The following CFAP299 variants were observed in gnomAD, a reference collection of about 807,000 sequenced individuals.
The protein encoded by CFAP299 is cilia and flagella associated protein 299.
CFAP299 carries 21 observed loss-of-function variants against 27.0 expected under a neutral mutation model. The ratio of observed to expected loss-of-function variants is 0.78; its 90% CI spans 0.55 to 1.12. The LOEUF (loss-of-function observed/expected upper bound fraction) is 1.12, where lower values mean the gene tolerates loss of function less well. CFAP299 is among the 50% of genes most tolerant of loss of function. CFAP299 has a pLI of 0.00. For missense variants in CFAP299, 310 were observed against 276.6 expected (o/e 1.12, Z -0.86); for synonymous variants, 104 against 98.1 (o/e 1.06, Z -0.36).
intron 3 of CFAP299, among the ~76,000 whole-genome samples, chr4:80,687,567 C>A (rs1720287623): frequency 2.0e-5 from 3 of 152,090 alleles, no homozygotes; most frequent in Admixed American, 2.0e-4. Flanking sequence ...CATGTACATG[C>A]TTTGTAAATA....
At chr4:80,401,670 G>A (rs1365155531) in intron 2 of CFAP299, among the ~76,000 whole-genome samples, 1 of 152,236 alleles carries the variant, frequency 6.6e-6, no homozygotes, top group Non-Finnish European at 1.5e-5. Context: ...GTGTGGAAGG[G>A]AAATGTGGGG....
intron 3 of CFAP299, among the ~76,000 whole-genome samples, chr4:80,847,528 T>C (rs368177270): frequency 3.9e-5 from 6 of 152,318 alleles, no homozygotes; most frequent in African/African-American, 1.2e-4. Flanking sequence ...TGACCCTACA[T>C]GCCATCTATT....
At chr4:80,362,061 A>C (rs1278188150) in intron 1 of CFAP299, among the ~76,000 whole-genome samples, 1 of 152,000 alleles carries the variant, frequency 6.6e-6, no homozygotes, top group African/African-American at 2.4e-5. Flanking sequence ...CAACTGACAA[A>C]GATGTATGCG....
chr4:80,459,062 C>T (rs181952589), intron 2 of CFAP299, among the ~76,000 whole-genome samples: 1 of 152,182 alleles, frequency 6.6e-6, no homozygotes, highest in East Asian at 1.9e-4. Context: ...CTCACTGCAA[C>T]CTCAAACTCT....
At chr4:80,948,443 CCCACCAAAATGTTT>C (rs962827342) in intron 5 of CFAP299, among the ~76,000 whole-genome samples, 68 of 18,342 alleles carry the variant, frequency 3.7e-3, no homozygotes, top group African/African-American at 4.2e-3. Flanking sequence ...GTGATTCACA[CCCACCAAAATGTTT>C]CCAGTGTATT....
At chr4:80,432,859 T>A (rs1179584469) in intron 2 of CFAP299, among the ~76,000 whole-genome samples, 1 of 152,152 alleles carries the variant, frequency 6.6e-6, no homozygotes, top group Non-Finnish European at 1.5e-5. Context: ...TGCAAGGTAA[T>A]AAAAATCTAG....
rs1304002767 is a variant in CFAP299 at position 80,505,645 on chromosome 4, A to G, written c.243-77448A>G. 2.0e-5 allele frequency among the ~76,000 whole-genome samples: 3 copies of G among 152,202 alleles called. No homozygotes were observed. In the East Asian group the frequency reaches 5.8e-4, roughly 29 times the overall value. ...TACCCACCAAAGAACTAGCCTGTAT[A>G]GTTGTATGTGTGAACTTAAAATAGC... On this transcript the variant is annotated intron_variant, in intron 2 of 5. Transcript: ENST00000358105.
At chr4:80,778,460 T>C (rs1212661286) in intron 3 of CFAP299, among the ~76,000 whole-genome samples, 1 of 152,166 alleles carries the variant, frequency 6.6e-6, no homozygotes, top group Non-Finnish European at 1.5e-5. Flanking sequence ...TGTGATAGCC[T>C]TGGAATTTTA....
At chr4:80,956,521 G>A (rs530444135) in intron 5 of CFAP299, among the ~76,000 whole-genome samples, 32 of 152,162 alleles carry the variant, frequency 2.1e-4, no homozygotes, top group African/African-American at 7.5e-4. Flanking sequence ...TAGCCTAGAA[G>A]TCCTGGGCTC....
Position 80,854,810 on chromosome 4 carries a change from GAAAAAAAAAA to G in CFAP299, c.334-15165_334-15156del, listed in dbSNP as rs58533748. Among the ~76,000 whole-genome samples, 7 of 43,360 alleles carry G rather than the reference GAAAAAAAAAA, an allele frequency of 1.6e-4. No homozygotes were observed. In the South Asian group the frequency reaches 3.1e-3, roughly 19 times the overall value. The allele number at this position is 43,360 out of a possible 152,430, so 28.4% of individuals were successfully genotyped here. On this transcript the variant is annotated intron_variant, in intron 3 of 5. Coordinates refer to ENST00000358105, the MANE Select transcript of CFAP299 (RefSeq NM_152770.3). ...TCTAGCCAAACTCAGCTGTTGCTAT[GAAAAAAAAAA>G]AAAAAAAAAAAAAAAAACAGAAAAG... is the stretch of plus-strand genomic sequence containing the variant.
intron 5 of CFAP299, among the ~76,000 whole-genome samples, chr4:80,950,271 T>C (rs1191226908): frequency 6.7e-6 from 1 of 149,474 alleles, no homozygotes; most frequent in Non-Finnish European, 1.5e-5. Flanking sequence ...CCTTTCTCAT[T>C]TGATGTTTCC....
chr4:80,957,808 T>C (rs1738143113), intron 5 of CFAP299, among the ~76,000 whole-genome samples: 1 of 152,188 alleles, frequency 6.6e-6, no homozygotes, highest in Non-Finnish European at 1.5e-5. Context: ...TGGCAGTCTG[T>C]CTCCTTTCCT....
chr4:80,629,556 A>G (rs1739097625), intron 3 of CFAP299, among the ~76,000 whole-genome samples: 1 of 152,162 alleles, frequency 6.6e-6, no homozygotes, highest in African/African-American at 2.4e-5. Context: ...TGTTCTCTAC[A>G]CAATAATATA....
chr4:80,700,939 T>C (rs995351656), intron 3 of CFAP299, among the ~76,000 whole-genome samples: 2 of 152,072 alleles, frequency 1.3e-5, no homozygotes, highest in African/African-American at 4.8e-5. Flanking sequence ...TGCCAGCCAC[T>C]GTTCTAAGCA....
chr4:80,688,559 A>G (rs970686029), intron 3 of CFAP299, among the ~76,000 whole-genome samples: 16 of 152,222 alleles, frequency 1.1e-4, no homozygotes, highest in Admixed American at 7.9e-4. Context: ...ACCATCATCA[A>G]AGACAAAAGT....
At chr4:80,953,127 G>A (rs555394437) in intron 5 of CFAP299, among the ~76,000 whole-genome samples, 1 of 152,294 alleles carries the variant, frequency 6.6e-6, no homozygotes, top group East Asian at 1.9e-4. Flanking sequence ...ACAAGGTTAT[G>A]GCTTCCGCAA....
At chr4:80,922,605 G>T (rs1041180798) in intron 4 of CFAP299, among the ~76,000 whole-genome samples, 5 of 151,780 alleles carry the variant, frequency 3.3e-5, no homozygotes, top group African/African-American at 1.2e-4. Context: ...AATAAAACTA[G>T]ATATTTATTT....
At chr4:80,724,664 C>A (rs1328525792) in intron 3 of CFAP299, among the ~76,000 whole-genome samples, 1 of 151,776 alleles carries the variant, frequency 6.6e-6, no homozygotes, top group East Asian at 1.9e-4. Flanking sequence ...ACACTATATC[C>A]CCTTATTTCC....
intron 3 of CFAP299, among the ~76,000 whole-genome samples, chr4:80,825,126 T>G (rs1258307765): frequency 1.3e-5 from 2 of 150,986 alleles, no homozygotes; most frequent in East Asian, 2.0e-4. Context: ...ATAACTGAAA[T>G]AAAACATTTA....
Sources: gnomAD v4.1 joint callset for allele counts (sites outside exome capture counted in the v4.1 genomes callset) on GRCh38, gnomAD v4.1.1 for gene constraint, MANE v1.5 for transcripts, NCBI Gene and HGNC (gene_info 2026-07-23, HGNC 2026-07-21) for gene names.